Variants in ZNF442 observed in about 807,000 individuals in gnomAD.
ZNF442 encodes zinc finger protein 442.
Under a neutral mutation model 57.0 loss-of-function variants are expected in ZNF442, and 45 were observed. The observed-to-expected ratio is 0.79, with a 90% CI of 0.62 to 1.01. ZNF442 has a LOEUF of 1.01. Among genes scored for constraint, ZNF442 ranks in the 50% least tolerant of loss-of-function variants. ZNF442 has a pLI of 0.00. For synonymous variants in ZNF442, 213 were observed against 241.8 expected (o/e 0.88, Z 1.10); for missense variants, 690 against 756.5 (o/e 0.91, Z 1.03).
Position 12,349,530 on chromosome 19 carries a change from G to C in ZNF442, c.*171C>G. On this transcript the variant is annotated 3_prime_UTR_variant, in exon 6 of 6. Coordinates refer to ENST00000242804, the MANE Select transcript of ZNF442 (RefSeq NM_030824.3). ...AAGGAACACAGCATCTGTGGATTTA[G>C]GTATGCTTAGGGGGTCTGGAACCAA... is the stretch of plus-strand genomic sequence containing the variant. The C allele has an allele frequency of 1.7e-6, 1 of 574,776 alleles. No individual in the cohort carries two copies. The highest frequency in any genetic ancestry group is 2.9e-6 in the Non-Finnish European group (1 of 343,166). 35.6% of individuals were successfully genotyped at this position (574,776 alleles called of 1,614,324 possible).
At position 12,346,191 on chromosome 19, in the gene ZNF442, G is replaced by T. The variant is rs1205467285; in HGVS notation, c.*3510C>A. The T allele has an allele frequency of 1.3e-5, 2 of 151,968 alleles. No individual in the cohort carries two copies. Among genetic ancestry groups the T allele is most frequent in the African/African-American group, 4.8e-5 (2 of 41,398 alleles). 9.4% of individuals were successfully genotyped at this position (151,968 alleles called of 1,614,324 possible). On this transcript the variant is annotated 3_prime_UTR_variant, in exon 6 of 6. Transcript: ENST00000242804. The stretch of plus-strand genomic sequence containing the variant: ...AGCACTTGGGAGCTGAAAAAAGAAA[G>T]AAATTTTCTAAATATTAAAAACTAA...
chr19:12,350,392 A>G lies in ZNF442; in HGVS notation c.1193T>C (p.Met398Thr), dbSNP rs750991221. Reference protein sequence around the residue: ...HHSSFRSHMIMHTGDGPHKCK... With the variant: ...HHSSFRSHMITHTGDGPHKCK... ...TTTGTGAGGTCCATCTCCAGTGTGCATTATCATATGACTTCGAAAGCTTGA... is the reference window on the plus strand; with the variant it reads ...TTTGTGAGGTCCATCTCCAGTGTGCGTTATCATATGACTTCGAAAGCTTGA... The change falls in exon 6 of 6, where the codon ATG becomes ACG. Residue 398 changes from methionine (M) to threonine (T), a missense_variant. Transcript: ENST00000242804. 3.1e-6 allele frequency: 5 copies of G among 1,612,998 alleles called. No homozygotes were observed. In the African/African-American group the frequency reaches 4.0e-5, roughly 13 times the overall value.
At chr19:12,366,138 C>G (rs1006239405), upstream of ZNF442, among the ~76,000 whole-genome samples, 2 of 152,296 alleles carry the variant, frequency 1.3e-5, no homozygotes, top group South Asian at 4.1e-4. Flanking sequence ...CATGGTCAAG[C>G]CTTTCTCCCA....
upstream of ZNF442, among the ~76,000 whole-genome samples, chr19:12,367,829 C>T (rs1322356560): frequency 1.4e-4 from 22 of 151,990 alleles, no homozygotes; most frequent in Non-Finnish European, 2.5e-4. Flanking sequence ...CCACCATGCC[C>T]GGCTAATTTT....
At chr19:12,351,876 T>C (rs1193279856) in intron 5 of ZNF442, 134 bp downstream of exon 5, 2 of 693,782 alleles carry the variant, frequency 2.9e-6, no homozygotes, top group African/African-American at 3.6e-5. Flanking sequence ...AAGTATATGT[T>C]TCTGGAGAAA....
At chr19:12,351,442 C>T (rs574416295) in intron 5 of ZNF442, 124 bp from the exon 6 acceptor site, 25 of 811,046 alleles carry the variant, frequency 3.1e-5, no homozygotes, top group African/African-American at 5.2e-5. Context: ...ACTGCTTGAA[C>T]GTGAATGGAC....
chr19:12,352,457 C>T (rs568370719), intron 4 of ZNF442, among the ~76,000 whole-genome samples: 37 of 151,976 alleles, frequency 2.4e-4, no homozygotes, highest in African/African-American at 6.8e-4. Flanking sequence ...CTGCCTGCCT[C>T]GGCCTCCCAA....
intron 3 of ZNF442, among the ~76,000 whole-genome samples, chr19:12,359,672 A>G (rs1400951863): frequency 6.6e-6 from 1 of 151,672 alleles, no homozygotes; most frequent in Non-Finnish European, 1.5e-5. Context: ...AGAGCAAAAC[A>G]CTCTCTGAAC....
At chr19:12,356,298 A>T (rs548455408) in intron 3 of ZNF442, among the ~76,000 whole-genome samples, 13 of 152,238 alleles carry the variant, frequency 8.5e-5, no homozygotes, top group African/African-American at 3.1e-4. Context: ...CAATCCTTCC[A>T]TGTGAAAACT....
chr19:12,356,993 A>C (rs1969342259), intron 3 of ZNF442, among the ~76,000 whole-genome samples: 1 of 152,210 alleles, frequency 6.6e-6, no homozygotes, highest in South Asian at 2.1e-4. Flanking sequence ...CAACAACATC[A>C]TAAGGTTAAC....
intron 5 of ZNF442, among the ~76,000 whole-genome samples, chr19:12,351,632 AGT>A (rs1188970148): frequency 6.6e-6 from 1 of 152,036 alleles, no homozygotes; most frequent in East Asian, 1.9e-4. Flanking sequence ...CAGCCGCCCG[AGT>A]AACTGGGACT....
At chr19:12,361,607 T>TGACA (rs895804864) in intron 3 of ZNF442, among the ~76,000 whole-genome samples, 1 of 151,660 alleles carries the variant, frequency 6.6e-6, no homozygotes, top group African/African-American at 2.4e-5. Flanking sequence ...GAAACTTACT[T>TGACA]GACAGACTGG....
intron 3 of ZNF442, among the ~76,000 whole-genome samples, chr19:12,357,349 C>CT (rs5827145): frequency 0.29 from 27,982 of 95,574 alleles, 3,994 homozygotes; most frequent in Non-Finnish European, 0.32. Flanking sequence ...CTTTTTCTTT[C>CT]TTTTTTTTTT....
upstream of ZNF442, among the ~76,000 whole-genome samples, chr19:12,368,224 T>C (rs1197698564): frequency 1.3e-5 from 2 of 152,190 alleles, no homozygotes; most frequent in Non-Finnish European, 2.9e-5. Flanking sequence ...AATGCAATCA[T>C]CACGGGGTCC....
rs746650695 is a variant in ZNF442, at chr19:12,350,628, T to C, written c.957A>G (p.Lys319=). 13 of 1,614,026 alleles carry C rather than the reference T, an allele frequency of 8.1e-6. 1 individual carries two copies. The South Asian group carries it at 1.4e-4, about 18-fold the overall frequency. The part of the protein sequence containing the change: ...RIHERTHTGE[K]PYECKQCGKA... ...TCCCGCATTGCTTGCATTCATAGGG[T>C]TTCTCTCCAGTGTGAGTTCTTTCAT... is the stretch of plus-strand genomic sequence containing the variant. The change falls in exon 6 of 6, where the codon AAA becomes AAG. Residue 319 remains lysine, a synonymous_variant. Transcript: ENST00000242804.
Position 12,347,676 on chromosome 19 carries a change from C to G in ZNF442, c.*2025G>C, listed in dbSNP as rs904719500. ...ACTGTAACAGAACAGCCAGGACTTC[C>G]CCAACCCCTCCCTAACAGAATTTTG... On this transcript the variant is annotated 3_prime_UTR_variant, in exon 6 of 6. Transcript: ENST00000242804. 2.6e-5 allele frequency: 4 copies of G among 152,206 alleles called. No homozygotes were observed. Among genetic ancestry groups the G allele is most frequent in the Non-Finnish European group, 5.9e-5 (4 of 68,060 alleles). The allele number at this position is 152,206 out of a possible 1,614,324, so 9.4% of individuals were successfully genotyped here. A position where few individuals can be genotyped will look rare whatever the true frequency, so the allele number is the denominator to read the frequency against.
At position 12,351,114 on chromosome 19, in the gene ZNF442, T is replaced by C. The variant is rs530665196; in HGVS notation, c.471A>G (p.Gln157=). 3 of 1,614,152 alleles carry C rather than the reference T, an allele frequency of 1.9e-6. No homozygotes were observed. The South Asian group carries it at 3.3e-5, about 18-fold the overall frequency. The part of the protein sequence containing the change: ...EYGEKPHTHK[Q]CGTAFNYHHS... The stretch of plus-strand genomic sequence containing the variant: ...GGTGATAATTGAAGGCTGTCCCACA[T>C]TGTTTATGTGTATGTGGCTTCTCTC... Residue 157 remains glutamine (Q), a synonymous_variant, in exon 6 of 6, where the codon CAA becomes CAG. Coordinates refer to ENST00000242804, the MANE Select transcript of ZNF442 (RefSeq NM_030824.3).
chr19:12,351,319 C>A lies in ZNF442; in HGVS notation c.267-1G>T, dbSNP rs770548492. On this transcript the variant is annotated splice_acceptor_variant, in intron 5 of 5. Coordinates refer to ENST00000242804, the MANE Select transcript of ZNF442 (RefSeq NM_030824.3). LOFTEE classifies it high-confidence loss of function. ...ACTAAATCTCTCTATGATATGACAT[C>A]TGTAAAACATGAGAAGTATATTAAT... is the stretch of plus-strand genomic sequence containing the variant. The A allele has an allele frequency of 1.2e-6, 2 of 1,604,970 alleles. No homozygotes were observed. Among genetic ancestry groups the A allele is most frequent in the Admixed American group, 1.7e-5 (1 of 58,568 alleles).
chr19:12,362,625 G>A (rs183937017), intron 3 of ZNF442, among the ~76,000 whole-genome samples: 2,539 of 149,162 alleles, frequency 0.017, 63 homozygotes, highest in African/African-American at 0.057. Flanking sequence ...CGCCCCCTCC[G>A]GGAGGTGGGG....
Sources: gnomAD v4.1 joint callset for allele counts (sites outside exome capture counted in the v4.1 genomes callset) on GRCh38, gnomAD v4.1.1 for gene constraint, MANE v1.5 for transcripts, NCBI Gene and HGNC (gene_info 2026-07-23, HGNC 2026-07-21) for gene names.